Variants in MICAL3 observed in about 807,000 individuals in gnomAD.
The protein encoded by MICAL3 is [F-actin]-monooxygenase MICAL3.
MICAL3 carries 62 observed loss-of-function variants against 207.4 expected under a neutral mutation model. That is an observed-to-expected ratio of 0.30 (90% CI 0.24 to 0.37). MICAL3 has a LOEUF of 0.37. MICAL3 is among the 10% of genes least tolerant of loss of function. The pLI, the probability that MICAL3 is intolerant of heterozygous loss-of-function variation, is 1.00. For missense variants in MICAL3, 2,368 were observed against 2,635.6 expected (o/e 0.90, Z 2.22); for synonymous variants, 1,077 against 1,069.3 (o/e 1.01, Z -0.14).
intron 1 of MICAL3, among the ~76,000 whole-genome samples, chr22:17,972,469 C>T (rs1413679957): frequency 6.6e-6 from 1 of 152,108 alleles, no homozygotes; most frequent in Non-Finnish European, 1.5e-5. Flanking sequence ...AACGGACGTA[C>T]GGGAGTAGGG....
At chr22:17,895,532 G>T in intron 9 of MICAL3, 122 bp from the exon 10 acceptor site, 1 of 1,175,960 alleles carries the variant, frequency 8.5e-7, no homozygotes, top group Non-Finnish European at 1.2e-6. Flanking sequence ...CCTCATCCTT[G>T]ACCAGTCTTC....
chr22:17,821,382 G>A, intron 25 of MICAL3, 45 bp downstream of exon 25: 1 of 1,482,482 alleles, frequency 6.7e-7, no homozygotes. Flanking sequence ...TGTCCTTGGG[G>A]TCCCATTAGT....
intron 1 of MICAL3, among the ~76,000 whole-genome samples, chr22:17,968,774 A>C (rs1935270558): frequency 6.6e-6 from 1 of 152,174 alleles, no homozygotes. Flanking sequence ...AAGCATACTA[A>C]AGGAGCTCGA....
Position 17,896,962 on chromosome 22 carries a change from A to G in MICAL3, c.968T>C (p.Leu323Pro). ...VILHDYADTE[L>P]LLSRENVDQE... is the part of the protein sequence containing the mutation. Reference sequence around the variant, plus strand: ...GTCCACGTTTTCTCGGGAAAGCAGGAGCTCTGTGTCGGCGTAGTCCTGTCT... The same window carrying G: ...GTCCACGTTTTCTCGGGAAAGCAGGGGCTCTGTGTCGGCGTAGTCCTGTCT... The change falls in exon 8 of 32, where the codon CTC becomes CCC. Residue 323 changes from leucine to proline, a missense_variant. Coordinates refer to ENST00000441493, the MANE Select transcript of MICAL3 (RefSeq NM_015241.3). 1 of 1,613,586 alleles carries G rather than the reference A, an allele frequency of 6.2e-7. No homozygotes were observed. Among genetic ancestry groups the G allele is most frequent in the South Asian group, 1.1e-5 (1 of 91,058 alleles).
At chr22:17,873,788 C>T (rs1362782046) in intron 16 of MICAL3, among the ~76,000 whole-genome samples, 1 of 152,282 alleles carries the variant, frequency 6.6e-6, no homozygotes, top group Non-Finnish European at 1.5e-5. Flanking sequence ...CCAGGCAGCC[C>T]CGCCTTGACC....
intron 17 of MICAL3, among the ~76,000 whole-genome samples, chr22:17,868,958 G>A (rs1025382573): frequency 6.6e-6 from 1 of 152,164 alleles, no homozygotes; most frequent in Non-Finnish European, 1.5e-5. Flanking sequence ...CCGGTGCCTG[G>A]GCAGCTGCCT....
intron 1 of MICAL3, among the ~76,000 whole-genome samples, chr22:17,969,138 G>C (rs1226094421): frequency 6.6e-6 from 1 of 151,924 alleles, no homozygotes; most frequent in African/African-American, 2.4e-5. Context: ...CACCTCCCGG[G>C]TTCAAGCAAT....
At chr22:17,822,663 C>T (rs912745969) in intron 23 of MICAL3, among the ~76,000 whole-genome samples, 1 of 152,206 alleles carries the variant, frequency 6.6e-6, no homozygotes, top group Non-Finnish European at 1.5e-5. Flanking sequence ...GAACCCATCT[C>T]CAGGTATGTA....
chr22:17,791,133 A>G, intron 30 of MICAL3, 62 bp from the exon 31 acceptor site: 3 of 1,604,576 alleles, frequency 1.9e-6, no homozygotes, highest in African/African-American at 2.7e-5. Flanking sequence ...CTCACCCCCA[A>G]ATCTGGAAGG....
intron 1 of MICAL3, among the ~76,000 whole-genome samples, chr22:17,959,685 G>A (rs1032544083): frequency 2.0e-5 from 3 of 152,186 alleles, no homozygotes; most frequent in Admixed American, 2.0e-4. Context: ...GACTGCCTAC[G>A]TGTGGAAAAT....
At chr22:17,832,573 G>A (rs900710995) in intron 20 of MICAL3, among the ~76,000 whole-genome samples, 4 of 152,298 alleles carry the variant, frequency 2.6e-5, no homozygotes, top group Non-Finnish European at 4.4e-5. Flanking sequence ...TTTCATAGAC[G>A]GCCTCGAGGG....
rs1013223033 is a variant in MICAL3 at position 17,796,167 on chromosome 22, C to T, written c.5651-4866G>A. Among the ~76,000 whole-genome samples the T allele has an allele frequency of 3.9e-5, 6 of 152,212 alleles. No homozygotes were observed. Among genetic ancestry groups the T allele is most frequent in the African/African-American group, 1.4e-4 (6 of 41,454 alleles). ...GTGAGCGGGTCCTGGTCAGAGGACC[C>T]CTCCTCCCTGGAGCACTCTGCTGCG... On this transcript the variant is annotated intron_variant, in intron 29 of 31. Transcript: ENST00000441493. This position sits in a 1 kb window ranked among gnomAD's most constrained non-coding sequence, Gnocchi z 4.4.
chr22:17,814,032 T>C (rs963323527), intron 27 of MICAL3: 1 of 152,192 alleles, frequency 6.6e-6, no homozygotes, highest in Non-Finnish European at 1.5e-5. Context: ...GGTTTAAAAG[T>C]TTATAACAAA....
chr22:17,852,523 G>A (rs543011569), intron 19 of MICAL3, among the ~76,000 whole-genome samples: 16 of 152,290 alleles, frequency 1.1e-4, no homozygotes, highest in African/African-American at 1.7e-4. Flanking sequence ...GCCCAGGCTC[G>A]GGGCACCCTT....
chr22:17,958,817 C>A (rs1299105465), intron 1 of MICAL3, among the ~76,000 whole-genome samples: 1 of 151,886 alleles, frequency 6.6e-6, no homozygotes, highest in Non-Finnish European at 1.5e-5. Context: ...GATTCACCTG[C>A]CTCAGCCTCC....
chr22:17,895,938 G>A (rs1930790227), intron 9 of MICAL3, among the ~76,000 whole-genome samples: 1 of 152,078 alleles, frequency 6.6e-6, no homozygotes, highest in African/African-American at 2.4e-5. Context: ...ATCCCATTTA[G>A]GGGTTTGAGA....
At chr22:17,887,292 T>C in intron 14 of MICAL3, 31 bp downstream of exon 14, 10 of 1,609,878 alleles carry the variant, frequency 6.2e-6, no homozygotes, top group Non-Finnish European at 8.5e-6. Flanking sequence ...GCCATTAGCT[T>C]TGCAGCCCAT....
chr22:17,976,585 A>ATTTTT (rs1372475997), intron 1 of MICAL3, among the ~76,000 whole-genome samples: 25 of 83,586 alleles, frequency 3.0e-4, no homozygotes, highest in East Asian at 8.7e-4. Flanking sequence ...ATATATATAT[A>ATTTTT]TATATTTTTT....
intron 20 of MICAL3, chr22:17,834,287 G>GAATAT: frequency 4.5e-6 from 5 of 1,119,488 alleles, no homozygotes; most frequent in Non-Finnish European, 5.5e-6. Flanking sequence ...GTGGACAAAA[G>GAATAT]AATATACTGC....
Sources: allele counts gnomAD v4.1 joint callset (sites outside exome capture counted in the v4.1 genomes callset), GRCh38; gene constraint gnomAD v4.1.1; non-coding constraint Gnocchi (gnomAD v3.1); transcripts MANE v1.5; gene names NCBI Gene and HGNC (gene_info 2026-07-23, HGNC 2026-07-21).